CCDC149: variants seen among roughly 807,000 people sequenced by gnomAD.
CCDC149 encodes the protein coiled-coil domain containing 149, also known as coiled-coil domain-containing protein 149.
CCDC149 carries 45 observed loss-of-function variants against 59.9 expected under a neutral mutation model. The observed-to-expected ratio is 0.75, with a 90% CI of 0.59 to 0.96. The LOEUF (loss-of-function observed/expected upper bound fraction) is 0.96, where lower values mean the gene tolerates loss of function less well. CCDC149 is among the 40% of genes least tolerant of loss of function. The pLI, the probability that CCDC149 is intolerant of heterozygous loss-of-function variation, is 0.00. For missense variants in CCDC149, 584 were observed against 664.7 expected (o/e 0.88, Z 1.33); for synonymous variants, 245 against 260.6 (o/e 0.94, Z 0.58).
At chr4:24,901,441 C>T (rs182498600) in intron 1 of CCDC149, among the ~76,000 whole-genome samples, 254 of 152,268 alleles carry the variant, frequency 1.7e-3, no homozygotes, top group African/African-American at 5.8e-3. Flanking sequence ...TTTTATTCAA[C>T]GTGAAACTCA....
chr4:24,960,343 T>C (rs1335759067), intron 1 of CCDC149, among the ~76,000 whole-genome samples: 2 of 152,196 alleles, frequency 1.3e-5, no homozygotes, highest in Admixed American at 6.5e-5. Flanking sequence ...TATTGGGTTA[T>C]AGAAAATATA....
intron 1 of CCDC149, among the ~76,000 whole-genome samples, chr4:24,953,632 C>T (rs918919163): frequency 6.6e-6 from 1 of 152,044 alleles, no homozygotes; most frequent in Non-Finnish European, 1.5e-5. Flanking sequence ...TAGTTTTCAA[C>T]AAAAATACTT....
intron 1 of CCDC149, among the ~76,000 whole-genome samples, chr4:24,976,835 G>C (rs1285912845): frequency 6.6e-6 from 1 of 152,200 alleles, no homozygotes; most frequent in Non-Finnish European, 1.5e-5. Flanking sequence ...CAGCTCTGGA[G>C]CCAAGCGGGG....
At chr4:24,914,398 A>AAG (rs1722059625), upstream of CCDC149, among the ~76,000 whole-genome samples, 1 of 150,040 alleles carries the variant, frequency 6.7e-6, no homozygotes. Context: ...AAAAAAAAAA[A>AAG]AAAAAAGAAA....
intron 4 of CCDC149, among the ~76,000 whole-genome samples, chr4:24,843,918 T>C (rs1349807643): frequency 6.6e-6 from 1 of 151,584 alleles, no homozygotes; most frequent in Non-Finnish European, 1.5e-5. Context: ...CCATGCCGGC[T>C]TCCCTCCCTT....
At chr4:24,857,396 A>G (rs549935998) in intron 3 of CCDC149, among the ~76,000 whole-genome samples, 2 of 152,300 alleles carry the variant, frequency 1.3e-5, no homozygotes, top group Admixed American at 1.3e-4. Context: ...CAGACATAAA[A>G]CCATGCTGTC....
intron 1 of CCDC149, among the ~76,000 whole-genome samples, chr4:24,949,449 TG>T (rs1553863955): frequency 1.7e-5 from 1 of 57,690 alleles, no homozygotes; most frequent in Non-Finnish European, 3.5e-5. Flanking sequence ...GGAGGGGGGG[TG>T]GTGGGGGGAC....
intron 1 of CCDC149, among the ~76,000 whole-genome samples, chr4:24,970,727 T>C (rs1723942445): frequency 6.6e-6 from 1 of 152,112 alleles, no homozygotes; most frequent in African/African-American, 2.4e-5. Flanking sequence ...CTGGACTGGA[T>C]GTTGTACCTG....
intron 1 of CCDC149, among the ~76,000 whole-genome samples, chr4:24,940,594 G>C (rs942905608): frequency 1.3e-5 from 2 of 152,188 alleles, no homozygotes; most frequent in Non-Finnish European, 2.9e-5. Context: ...AAAAGGCACA[G>C]ACTGGCAAAT....
At chr4:24,933,219 A>G (rs926669112) in intron 1 of CCDC149, among the ~76,000 whole-genome samples, 1 of 152,162 alleles carries the variant, frequency 6.6e-6, no homozygotes. Flanking sequence ...CTTAAATGGG[A>G]GGGGCTGGGT....
chr4:24,895,140 A>T, intron 1 of CCDC149: 1 of 834,862 alleles, frequency 1.2e-6, no homozygotes, highest in South Asian at 1.4e-5. Context: ...AACACGTTAT[A>T]AAAACAGCAT....
chr4:24,874,111 A>T (rs1719227969), intron 2 of CCDC149, among the ~76,000 whole-genome samples: 1 of 152,114 alleles, frequency 6.6e-6, no homozygotes, highest in Admixed American at 6.6e-5. Context: ...ATATAGAGAG[A>T]GAGGAAAAGA....
At chr4:24,944,463 T>G (rs1472069251) in intron 1 of CCDC149, among the ~76,000 whole-genome samples, 2 of 151,886 alleles carry the variant, frequency 1.3e-5, no homozygotes, top group Non-Finnish European at 2.9e-5. Context: ...GACGAGTTAA[T>G]GGGTGCAGCA....
intron 1 of CCDC149, among the ~76,000 whole-genome samples, chr4:24,894,339 T>C (rs566030403): frequency 1.3e-5 from 2 of 152,234 alleles, no homozygotes; most frequent in South Asian, 2.1e-4. Context: ...GTAGTGATAG[T>C]GGTAGTAAAA....
At chr4:24,917,897 T>G (rs1722177160), upstream of CCDC149, among the ~76,000 whole-genome samples, 1 of 152,174 alleles carries the variant, frequency 6.6e-6, no homozygotes, top group South Asian at 2.1e-4. Flanking sequence ...GGGCCCGTGC[T>G]GCTGACGGGT....
At chr4:24,811,971 T>C (rs1714639203) in intron 12 of CCDC149, among the ~76,000 whole-genome samples, 1 of 152,184 alleles carries the variant, frequency 6.6e-6, no homozygotes, top group Non-Finnish European at 1.5e-5. Context: ...CAGCTTCTGA[T>C]GGCTGCCAGG....
intron 1 of CCDC149, among the ~76,000 whole-genome samples, chr4:24,882,644 A>C (rs1429393163): frequency 6.6e-6 from 1 of 152,180 alleles, no homozygotes; most frequent in Non-Finnish European, 1.5e-5. Context: ...TGGAGTGTGA[A>C]TATTCATGTA....
At chr4:24,822,705 G>C (rs1715489393) in intron 9 of CCDC149, 132 bp from the exon 10 acceptor site, 6 of 543,820 alleles carry the variant, frequency 1.1e-5, no homozygotes, top group Non-Finnish European at 2.0e-5. Context: ...GTATTTGTAT[G>C]TATGTGTGTG....
chr4:24,857,173 GACATTCACT>G (rs1718065331), intron 3 of CCDC149, among the ~76,000 whole-genome samples: 1 of 152,158 alleles, frequency 6.6e-6, no homozygotes, highest in African/African-American at 2.4e-5. Flanking sequence ...GGAAGACCCT[GACATTCACT>G]GACCAATGTA....
Sources: gnomAD v4.1 joint callset for allele counts (sites outside exome capture counted in the v4.1 genomes callset) on GRCh38, gnomAD v4.1.1 for gene constraint, MANE v1.5 for transcripts, NCBI Gene and HGNC (gene_info 2026-07-23, HGNC 2026-07-21) for gene names.